Variants in FCHO2 observed in about 807,000 individuals in gnomAD.
FCHO2 encodes the protein F-BAR domain only protein 2.
In FCHO2, 43 loss-of-function variants were observed where a neutral mutation model predicts 114.1. The observed-to-expected ratio is 0.38, with a 90% CI of 0.30 to 0.49. The LOEUF (loss-of-function observed/expected upper bound fraction) is 0.49. Ranked by LOEUF, FCHO2 falls within the 20% of genes least tolerant of loss-of-function variation. FCHO2 has a pLI of 0.97. For missense variants in FCHO2, 807 were observed against 950.4 expected (o/e 0.85, Z 1.98); for synonymous variants, 293 against 315.2 (o/e 0.93, Z 0.75).
At position 73,088,059 on chromosome 5, in the gene FCHO2, G is replaced by A. The variant is rs762222939; in HGVS notation, c.2411-9G>A. The A allele has an allele frequency of 6.2e-6, 10 of 1,613,332 alleles. No homozygotes were observed. The highest frequency in any genetic ancestry group is 2.2e-5 in the East Asian group (1 of 44,866). ...TTGTAATTGCAAAGGTCTGCTTGGC[G>A]TTTTTCAGGACGATACCTGGCGGAT... On this transcript the variant is annotated splice_polypyrimidine_tract_variant and intron_variant, in intron 25 of 25. Transcript: ENST00000430046.
At chr5:72,976,833 A>G (rs1485092189) in intron 2 of FCHO2, among the ~76,000 whole-genome samples, 2 of 121,506 alleles carry the variant, frequency 1.6e-5, no homozygotes, top group African/African-American at 3.2e-5. Flanking sequence ...CCCTGTGTCC[A>G]TGTGTTCTCA....
At chr5:73,087,534 ATT>A in intron 24 of FCHO2, 53 bp from the exon 25 acceptor site, 1 of 1,579,994 alleles carries the variant, frequency 6.3e-7, no homozygotes, top group Non-Finnish European at 8.6e-7. Flanking sequence ...ATTTGATTCT[ATT>A]TTGTTTGAAA....
At chr5:72,969,690 CT>C (rs1752410443) in intron 2 of FCHO2, among the ~76,000 whole-genome samples, 1 of 152,178 alleles carries the variant, frequency 6.6e-6, no homozygotes, top group African/African-American at 2.4e-5. Flanking sequence ...CTGGGTTATC[CT>C]TCCTTTGCCC....
chr5:73,037,150 A>G lies in FCHO2; in HGVS notation c.849A>G (p.Lys283=), dbSNP rs1167091930. ...CDTASAVEGI[K]PRKRKTFALP... is the part of the protein sequence containing the mutation. Reference sequence around the variant, plus strand: ...TATATATTTATTTTAAAGGTATAAAACCAAGGAAAAGAAAGACCTTTGCTT... The same window carrying G: ...TATATATTTATTTTAAAGGTATAAAGCCAAGGAAAAGAAAGACCTTTGCTT... Residue 283 remains lysine, a synonymous_variant, in exon 10 of 26, where the codon AAA becomes AAG. Coordinates refer to ENST00000430046, the MANE Select transcript of FCHO2 (RefSeq NM_138782.3). 1.3e-6 allele frequency: 2 copies of G among 1,577,982 alleles called. No individual in the cohort carries two copies. Among genetic ancestry groups the G allele is most frequent in the Non-Finnish European group, 1.7e-6 (2 of 1,159,040 alleles).
chr5:73,052,414 G>C lies in FCHO2; in HGVS notation c.1080G>C (p.Lys360Asn). 1.9e-6 allele frequency: 3 copies of C among 1,605,024 alleles called. No individual in the cohort carries two copies. The highest frequency in any genetic ancestry group is 2.6e-6 in the Non-Finnish European group (3 of 1,175,314). ...EEPKKYRIEI[K>N]PMHPNNSHHT... ...CAAAGAAGTATCGGATAGAAATTAA[G>C]CCTATGCATCCAAATAACTCACATC... The change falls in exon 13 of 26, where the codon AAG (lysine) becomes AAC (asparagine). Residue 360 changes from lysine to asparagine, a missense_variant. By Grantham distance (94) the Lys-to-Asn change is moderately conservative. Transcript: ENST00000430046.
intron 2 of FCHO2, among the ~76,000 whole-genome samples, chr5:72,983,548 T>C (rs1183583820): frequency 8.4e-6 from 1 of 119,640 alleles, no homozygotes; most frequent in African/African-American, 3.4e-5. Context: ...GTGACAATAC[T>C]TTTTTTTTTT....
At chr5:73,072,320 T>C (rs1742695197) in intron 19 of FCHO2, among the ~76,000 whole-genome samples, 2 of 152,040 alleles carry the variant, frequency 1.3e-5, no homozygotes, top group Admixed American at 1.3e-4. Context: ...TGTAAAATGG[T>C]ACAGCTGCTG....
intron 10 of FCHO2, among the ~76,000 whole-genome samples, chr5:73,039,119 C>T (rs1756676923): frequency 6.6e-6 from 1 of 152,146 alleles, no homozygotes; most frequent in Non-Finnish European, 1.5e-5. Context: ...CTGCTTAAAC[C>T]ACTGTACCAT....
intron 1 of FCHO2, among the ~76,000 whole-genome samples, chr5:72,966,728 A>G (rs1752223437): frequency 6.6e-6 from 1 of 152,212 alleles, no homozygotes; most frequent in Non-Finnish European, 1.5e-5. Context: ...GACTGTGGAA[A>G]AATCAAGTTT....
intron 20 of FCHO2, among the ~76,000 whole-genome samples, chr5:73,077,014 A>G (rs1310345246): frequency 6.6e-6 from 1 of 152,200 alleles, no homozygotes; most frequent in East Asian, 1.9e-4. Flanking sequence ...ACAACTAGGT[A>G]TAGCGTTATG....
chr5:73,074,810 A>T lies in FCHO2; in HGVS notation c.1648A>T (p.Thr550Ser). ...TACCTTACCTGTGGCAGTTGCCCTT[A>T]CAGAATCTGTTAATGCCTACTTTAA... ...QDTLPVAVAL[T>S]ESVNAYFKGA... The change falls in exon 20 of 26, where the codon ACA becomes TCA. Residue 550 changes from threonine to serine, a missense_variant. Transcript: ENST00000430046. 6.2e-7 allele frequency: 1 copy of T among 1,612,978 alleles called. No homozygotes were observed. Among genetic ancestry groups the T allele is most frequent in the Non-Finnish European group, 8.5e-7 (1 of 1,179,444 alleles).
chr5:72,982,247 C>CT (rs1463085775), intron 2 of FCHO2, among the ~76,000 whole-genome samples: 2 of 152,284 alleles, frequency 1.3e-5, no homozygotes, highest in Non-Finnish European at 1.5e-5. Context: ...CACCCACTGT[C>CT]TAACTAGCCC....
intron 25 of FCHO2, 124 bp from the exon 26 acceptor site, chr5:73,087,944 T>C (rs1444623637): frequency 1.5e-5 from 22 of 1,429,998 alleles, no homozygotes; most frequent in Non-Finnish European, 1.9e-5. Context: ...ACACCTGTTA[T>C]CTGATTCTAA....
chr5:73,019,535 C>T lies in FCHO2; in HGVS notation c.796+2227C>T, dbSNP rs189623804. On this transcript the variant is annotated intron_variant, in intron 8 of 25. Transcript: ENST00000430046. ...CAGCCTGGGTGACAGAGTAAGACTCCGTCTTAAAAAAATAAAAAAGAATTT... is the reference window on the plus strand; with the variant it reads ...CAGCCTGGGTGACAGAGTAAGACTCTGTCTTAAAAAAATAAAAAAGAATTT... 6.2e-4 allele frequency among the ~76,000 whole-genome samples: 94 copies of T among 151,708 alleles called. 1 individual carries two copies. The highest frequency in any genetic ancestry group is 3.4e-3 in the Admixed American group (52 of 15,238).
At chr5:72,996,649 A>G (rs915293022) in intron 5 of FCHO2, among the ~76,000 whole-genome samples, 4 of 150,836 alleles carry the variant, frequency 2.7e-5, no homozygotes, top group Admixed American at 2.6e-4. Flanking sequence ...TCGGCCCGCA[A>G]CTTCCCCGAA....
chr5:72,971,645 G>C (rs1752562970), intron 2 of FCHO2, among the ~76,000 whole-genome samples: 1 of 152,056 alleles, frequency 6.6e-6, no homozygotes, highest in African/African-American at 2.4e-5. Context: ...CTCCCATTTT[G>C]TAGGTTGCCT....
At chr5:72,990,426 A>C (rs564748208) in intron 3 of FCHO2, 52 bp from the exon 4 acceptor site, 1 of 1,382,034 alleles carries the variant, frequency 7.2e-7, no homozygotes, top group East Asian at 2.7e-5. Flanking sequence ...TTAGAACCTT[A>C]ATTTTCTTTT....
At chr5:72,989,252 C>G (rs1000240396) in intron 2 of FCHO2, among the ~76,000 whole-genome samples, 175 bp from the exon 3 acceptor site, 1 of 152,064 alleles carries the variant, frequency 6.6e-6, no homozygotes, top group Non-Finnish European at 1.5e-5. Flanking sequence ...TAGTTCTATA[C>G]CAGAAAGGAC....
At chr5:72,980,846 T>C (rs1301396022) in intron 2 of FCHO2, among the ~76,000 whole-genome samples, 1 of 152,166 alleles carries the variant, frequency 6.6e-6, no homozygotes, top group African/African-American at 2.4e-5. Context: ...TCTTTGCATG[T>C]GAGATGGGTG....
Sources: allele counts gnomAD v4.1 joint callset (sites outside exome capture counted in the v4.1 genomes callset), GRCh38; gene constraint gnomAD v4.1.1; transcripts MANE v1.5; gene names NCBI Gene and HGNC (gene_info 2026-07-23, HGNC 2026-07-21).